The following FOXP1 variants were observed in gnomAD, a reference collection of about 807,000 sequenced individuals.
The protein encoded by FOXP1 is forkhead box P1, also known as forkhead box protein P1.
A neutral mutation model predicts 98.2 loss-of-function variants in FOXP1; 15 were observed. The ratio of observed to expected loss-of-function variants is 0.15; its 90% CI spans 0.10 to 0.24. The LOEUF is 0.24. Among genes scored for constraint, FOXP1 ranks in the 10% least tolerant of loss-of-function variants. FOXP1 has a pLI of 1.00. For missense variants in FOXP1, 633 were observed against 848.5 expected (o/e 0.75, Z 3.15); for synonymous variants, 371 against 314.5 (o/e 1.18, Z -1.90).
chr3:71,386,970 T>C (rs1157966931), intron 3 of FOXP1, among the ~76,000 whole-genome samples: 5 of 152,152 alleles, frequency 3.3e-5, no homozygotes, highest in African/African-American at 1.2e-4. Context: ...TAATATTTTC[T>C]CTTTTCTCCT....
intron 4 of FOXP1, among the ~76,000 whole-genome samples, chr3:71,354,446 T>C (rs1301543997): frequency 6.6e-6 from 1 of 152,234 alleles, no homozygotes; most frequent in Non-Finnish European, 1.5e-5. Flanking sequence ...CATGGTTTTC[T>C]GGATGTGGGT....
Position 71,580,191 on chromosome 3 carries a change from A to AT in FOXP1, c.-298+1357dup, listed in dbSNP as rs11287434. Among the ~76,000 whole-genome samples, 97 of 144,422 alleles carry AT rather than the reference A, an allele frequency of 6.7e-4. 2 individuals are homozygous for AT. The highest frequency in any genetic ancestry group is 4.4e-4 in the South Asian group (2 of 4,584). 94.7% of individuals were successfully genotyped at this position (144,422 alleles called of 152,430 possible). A position where few individuals can be genotyped will look rare whatever the true frequency, so the allele number is the denominator to read the frequency against. On this transcript the variant is annotated intron_variant, in intron 2 of 20. Transcript: ENST00000649528. ...CTTTTCCAAAAAAAAAAAAAAAGTGATTTTTTTTTTCTCCCTCTCTCTCAT... is the reference window on the plus strand; with the variant it reads ...CTTTTCCAAAAAAAAAAAAAAAGTGATTTTTTTTTTTCTCCCTCTCTCTCAT...
At position 70,972,544 on chromosome 3, in the gene FOXP1, G is replaced by A. The variant is rs1215545971; in HGVS notation, c.1652+11C>T. 1.2e-6 allele frequency: 2 copies of A among 1,614,042 alleles called. No individual in the cohort carries two copies. The highest frequency in any genetic ancestry group is 1.3e-5 in the African/African-American group (1 of 74,924). On this transcript the variant is annotated intron_variant, in intron 18 of 20. Coordinates refer to ENST00000649528, the MANE Select transcript of FOXP1 (RefSeq NM_001349338.3). ...AAGCTAGGCTAAGAAGTTCAAACAT[G>A]GTGGACGTACCCACTGATCTTTTGT...
chr3:71,061,090 G>A (rs1213846507), intron 7 of FOXP1, among the ~76,000 whole-genome samples: 1 of 151,986 alleles, frequency 6.6e-6, no homozygotes, highest in African/African-American at 2.4e-5. Context: ...AGAGATACCT[G>A]AGTTTTCTTT....
intron 3 of FOXP1, among the ~76,000 whole-genome samples, chr3:71,430,681 A>T (rs976841627): frequency 6.6e-6 from 1 of 152,194 alleles, no homozygotes; most frequent in Non-Finnish European, 1.5e-5. Context: ...AAGCTCCCAG[A>T]CTTATCCCTA....
At position 71,440,593 on chromosome 3, in the gene FOXP1, G is replaced by A. The variant is rs190137749; in HGVS notation, c.-168+52833C>T. On this transcript the variant is annotated intron_variant, in intron 3 of 20. Transcript: ENST00000649528. ...CTTGGGAGCCTGAGGCAGAAGAATCGGCTGAGGCAGAAGAATCACTTGAAC... is the reference window on the plus strand; with the variant it reads ...CTTGGGAGCCTGAGGCAGAAGAATCAGCTGAGGCAGAAGAATCACTTGAAC... Among the ~76,000 whole-genome samples, 723 of 152,088 alleles carry A rather than the reference G, an allele frequency of 4.8e-3. 3 individuals carry two copies. Among genetic ancestry groups the A allele is most frequent in the Non-Finnish European group, 7.5e-3 (507 of 68,000 alleles).
In FOXP1 at chr3:70,958,224, A is replaced by G; in HGVS notation, c.*1023T>C. 2.1e-6 allele frequency: 1 copy of G among 479,592 alleles called. No individual in the cohort carries two copies. The highest frequency in any genetic ancestry group is 1.8e-5 in the South Asian group (1 of 55,168). The allele number at this position is 479,592 out of a possible 1,614,324, so 29.7% of individuals were successfully genotyped here. ...AAAAAAAAAAAGAAAAGAAAAGAAAAAAAGAAAATCCGAAACACCCCTCCC... is the reference window on the plus strand; with the variant it reads ...AAAAAAAAAAAGAAAAGAAAAGAAAGAAAGAAAATCCGAAACACCCCTCCC... On this transcript the variant is annotated 3_prime_UTR_variant, in exon 21 of 21. Transcript: ENST00000649528.
At chr3:71,456,973 T>C (rs1451549340) in intron 3 of FOXP1, among the ~76,000 whole-genome samples, 1 of 152,118 alleles carries the variant, frequency 6.6e-6, no homozygotes, top group Non-Finnish European at 1.5e-5. Flanking sequence ...GACAGCAGAA[T>C]ACACAAACAC....
intron 3 of FOXP1, among the ~76,000 whole-genome samples, chr3:71,433,997 C>T (rs922805770): frequency 2.0e-5 from 3 of 152,066 alleles, no homozygotes; most frequent in South Asian, 2.1e-4. Context: ...GTTTTAGTTT[C>T]GAAAAATTAT....
At chr3:71,422,867 C>T (rs573435391) in intron 3 of FOXP1, among the ~76,000 whole-genome samples, 2 of 151,896 alleles carry the variant, frequency 1.3e-5, no homozygotes, top group African/African-American at 4.8e-5. Flanking sequence ...CACACACAAG[C>T]GCGCACACAC....
At chr3:71,034,280 C>G (rs2047286093) in intron 11 of FOXP1, among the ~76,000 whole-genome samples, 1 of 152,150 alleles carries the variant, frequency 6.6e-6, no homozygotes, top group Non-Finnish European at 1.5e-5. Flanking sequence ...TTAACCCACT[C>G]TGTAGTCCAA....
At chr3:71,202,299 T>C (rs529644209) in intron 5 of FOXP1, among the ~76,000 whole-genome samples, 1 of 152,296 alleles carries the variant, frequency 6.6e-6, no homozygotes, top group African/African-American at 2.4e-5. Flanking sequence ...GTGCTAACAG[T>C]AGTATGTAGG....
At chr3:71,053,828 T>A in intron 7 of FOXP1, 55 bp from the exon 8 acceptor site, 1 of 1,608,156 alleles carries the variant, frequency 6.2e-7, no homozygotes, top group Non-Finnish European at 8.5e-7. Context: ...GCACGCAGCC[T>A]CCCAGGTTCA....
At chr3:71,131,708 C>T (rs996571569) in intron 6 of FOXP1, among the ~76,000 whole-genome samples, 1 of 152,170 alleles carries the variant, frequency 6.6e-6, no homozygotes, top group South Asian at 2.1e-4. Context: ...CAAATCCAGA[C>T]GCTGAAGATA....
intron 4 of FOXP1, among the ~76,000 whole-genome samples, chr3:71,330,026 C>A (rs757670977): frequency 9.2e-5 from 14 of 152,154 alleles, no homozygotes; most frequent in Non-Finnish European, 1.8e-4. Context: ...CTAGGCAACA[C>A]AGGGAGAACC....
At chr3:71,266,605 A>G (rs1402270494) in intron 5 of FOXP1, among the ~76,000 whole-genome samples, 4 of 152,082 alleles carry the variant, frequency 2.6e-5, no homozygotes, top group African/African-American at 7.2e-5. Flanking sequence ...TTTTAAATTC[A>G]GGGTATATGT....
intron 4 of FOXP1, among the ~76,000 whole-genome samples, chr3:71,338,621 G>A (rs988059980): frequency 2.0e-5 from 3 of 152,040 alleles, no homozygotes; most frequent in Admixed American, 6.5e-5. Flanking sequence ...GTAGAGGCGG[G>A]GTTTCACCCT....
intron 6 of FOXP1, among the ~76,000 whole-genome samples, chr3:71,114,764 G>T (rs1325885365): frequency 6.6e-6 from 1 of 152,164 alleles, no homozygotes; most frequent in African/African-American, 2.4e-5. Flanking sequence ...TCTGAGTGGG[G>T]CATCTGGAAG....
At chr3:71,138,947 C>A (rs1361395560) in intron 6 of FOXP1, among the ~76,000 whole-genome samples, 1 of 152,016 alleles carries the variant, frequency 6.6e-6, no homozygotes, top group Non-Finnish European at 1.5e-5. Context: ...TAATCACTTA[C>A]ACATACTTCA....
Sources: allele counts gnomAD v4.1 joint callset (sites outside exome capture counted in the v4.1 genomes callset), GRCh38; gene constraint gnomAD v4.1.1; transcripts MANE v1.5; gene names NCBI Gene and HGNC (gene_info 2026-07-23, HGNC 2026-07-21).